UBAP2: variants seen among roughly 807,000 people sequenced by gnomAD.
UBAP2 encodes ubiquitin associated protein 2, also known as ubiquitin-associated protein 2.
UBAP2 carries 75 observed loss-of-function variants against 139.6 expected under a neutral mutation model. The ratio of observed to expected loss-of-function variants is 0.54; its 90% CI spans 0.45 to 0.65. The LOEUF is 0.65. Ranked by LOEUF, UBAP2 falls within the 30% of genes least tolerant of loss-of-function variation. The probability of loss-of-function intolerance (pLI) is 0.00; values close to 1 mark genes in which losing one functional copy is unlikely to be tolerated. For missense variants in UBAP2, 1,368 were observed against 1,369.6 expected (o/e 1.00, Z 0.02); for synonymous variants, 526 against 526.2 (o/e 1.00, Z 0.01).
chr9:33,944,479 C>G lies in UBAP2; in HGVS notation c.1431G>C (p.Val477=), dbSNP rs772547548. ...TGCTGGGAAGCTGCAAAAGCTTGTT[C>G]ACAGTGGAGGGACTGTCTCCAGGTG... is the stretch of plus-strand genomic sequence containing the variant. The part of the protein sequence containing the change: ...ESTPGDSPST[V]NKLLQLPSTT... Residue 477 remains valine, a synonymous_variant, in exon 14 of 29, where the codon GTG becomes GTC. Coordinates refer to ENST00000379238, the MANE Select transcript of UBAP2 (RefSeq NM_001370062.2). The G allele has an allele frequency of 4.3e-6, 7 of 1,614,070 alleles. No homozygotes were observed. The highest frequency in any genetic ancestry group is 5.9e-6 in the Non-Finnish European group (7 of 1,180,018).
At chr9:34,022,424 G>A (rs950639487) in intron 1 of UBAP2, among the ~76,000 whole-genome samples, 4 of 136,728 alleles carry the variant, frequency 2.9e-5, no homozygotes, top group Admixed American at 1.5e-4. Context: ...AGGCAACACA[G>A]CAAGACCCCT....
intron 10 of UBAP2, among the ~76,000 whole-genome samples, chr9:33,959,688 T>A (rs574600388): frequency 6.6e-6 from 1 of 152,110 alleles, no homozygotes; most frequent in East Asian, 1.9e-4. Context: ...CTCAAAAATA[T>A]CTGTGCAATA....
At chr9:33,966,111 T>C (rs1418156675) in intron 8 of UBAP2, among the ~76,000 whole-genome samples, 4 of 151,940 alleles carry the variant, frequency 2.6e-5, no homozygotes, top group Non-Finnish European at 5.9e-5. Context: ...CAAAATTGTT[T>C]AGGCTACTTT....
chr9:33,939,818 GA>G (rs1824961556), intron 16 of UBAP2, among the ~76,000 whole-genome samples: 1 of 6,102 alleles, frequency 1.6e-4, no homozygotes, highest in Non-Finnish European at 3.1e-4. Context: ...GGAAGGGGAG[GA>G]GGAAGGGGGG....
At chr9:34,040,379 C>T (rs1221860525) in intron 1 of UBAP2, among the ~76,000 whole-genome samples, 1 of 146,650 alleles carries the variant, frequency 6.8e-6, no homozygotes, top group Non-Finnish European at 1.5e-5. Flanking sequence ...GGCCAGCCAA[C>T]TAGAAGACTA....
At chr9:33,993,873 C>T (rs1397099169) in intron 4 of UBAP2, among the ~76,000 whole-genome samples, 1 of 150,244 alleles carries the variant, frequency 6.7e-6, no homozygotes, top group Non-Finnish European at 1.5e-5. Flanking sequence ...AGGTGTTCTT[C>T]ATGAAAAGTT....
intron 1 of UBAP2, among the ~76,000 whole-genome samples, chr9:34,035,514 A>AAAAAAAAAAAAATTAT: frequency 4.4e-5 from 1 of 22,474 alleles, no homozygotes; most frequent in Non-Finnish European, 9.8e-5. Context: ...AAAAAAAAAA[A>AAAAAAAAAAAAATTAT]ATATATATAT....
chr9:33,971,174 C>A (rs574313012), intron 8 of UBAP2, among the ~76,000 whole-genome samples: 19 of 152,244 alleles, frequency 1.2e-4, no homozygotes, highest in African/African-American at 4.3e-4. Flanking sequence ...CCAATATTTA[C>A]CCCAAGAATT....
intron 1 of UBAP2, among the ~76,000 whole-genome samples, chr9:34,042,549 A>C (rs1183191762): frequency 6.6e-6 from 1 of 151,108 alleles, no homozygotes; most frequent in Non-Finnish European, 1.5e-5. Context: ...GGACTCTGGG[A>C]GGCCAAGCAG....
chr9:33,956,853 C>A (rs1826604150), intron 10 of UBAP2, among the ~76,000 whole-genome samples: 1 of 151,866 alleles, frequency 6.6e-6, no homozygotes, highest in South Asian at 2.1e-4. Flanking sequence ...AATGGTGGCT[C>A]ACACCTGAAA....
chr9:34,042,236 T>C (rs577314060), intron 1 of UBAP2, among the ~76,000 whole-genome samples: 47 of 151,548 alleles, frequency 3.1e-4, no homozygotes, highest in African/African-American at 1.0e-3. Flanking sequence ...TCCCAGCACT[T>C]TGGGAGCTCA....
rs190647158 is a variant in UBAP2 at position 33,951,386 on chromosome 9, G to A, written c.1056+1899C>T. On this transcript the variant is annotated intron_variant, in intron 12 of 28. Transcript: ENST00000379238. ...TTTTTGAGATAGAGTTTCTCTCGTC[G>A]CCCAGGCTGGAGTGCAATGGCATGA... 1.3e-3 allele frequency among the ~76,000 whole-genome samples: 157 copies of A among 118,172 alleles called. 2 individuals carry two copies. In the Middle Eastern group the frequency reaches 0.065, roughly 49 times the overall value. 77.5% of individuals were successfully genotyped at this position (118,172 alleles called of 152,430 possible).
At chr9:33,954,206 C>A (rs565457799) in intron 11 of UBAP2, among the ~76,000 whole-genome samples, 5 of 150,382 alleles carry the variant, frequency 3.3e-5, no homozygotes, top group Non-Finnish European at 7.4e-5. Flanking sequence ...CCTACCTGGC[C>A]AAGTTTCATA....
intron 6 of UBAP2, among the ~76,000 whole-genome samples, chr9:33,978,981 T>C (rs1158194301): frequency 2.0e-5 from 3 of 152,186 alleles, no homozygotes. Context: ...CTTGTGCCTG[T>C]AATCCCTCTG....
At chr9:33,933,199 C>G (rs1207326091) in intron 18 of UBAP2, among the ~76,000 whole-genome samples, 1 of 152,178 alleles carries the variant, frequency 6.6e-6, no homozygotes, top group Non-Finnish European at 1.5e-5. Context: ...AGGCTAGGCT[C>G]AGGCACCCTC....
chr9:34,043,682 G>A (rs909628975), intron 1 of UBAP2, among the ~76,000 whole-genome samples: 3 of 151,842 alleles, frequency 2.0e-5, no homozygotes, highest in Non-Finnish European at 4.4e-5. Flanking sequence ...TTTTTATAGA[G>A]ACAGGGTCTC....
At chr9:33,924,947 G>T (rs1184161876) in intron 22 of UBAP2, among the ~76,000 whole-genome samples, 1 of 152,218 alleles carries the variant, frequency 6.6e-6, no homozygotes, top group Non-Finnish European at 1.5e-5. Context: ...TGTATTTTAT[G>T]TGTGGCCCAA....
At chr9:33,958,330 A>C (rs1826738139) in intron 10 of UBAP2, among the ~76,000 whole-genome samples, 2 of 152,172 alleles carry the variant, frequency 1.3e-5, no homozygotes, top group South Asian at 4.1e-4. Context: ...AAATCGATTT[A>C]CGAAAAAGAG....
intron 2 of UBAP2, among the ~76,000 whole-genome samples, chr9:34,015,506 T>C (rs1350967270): frequency 7.1e-6 from 1 of 140,770 alleles, no homozygotes; most frequent in Non-Finnish European, 1.6e-5. Flanking sequence ...TTTTTTTTTT[T>C]AGTAGAGACA....
Sources: gnomAD v4.1 joint callset for allele counts (sites outside exome capture counted in the v4.1 genomes callset) on GRCh38, gnomAD v4.1.1 for gene constraint, MANE v1.5 for transcripts, NCBI Gene and HGNC (gene_info 2026-07-23, HGNC 2026-07-21) for gene names.